The following LRMDA variants were observed in gnomAD, a reference collection of about 807,000 sequenced individuals.
LRMDA encodes the protein leucine rich melanocyte differentiation associated.
In LRMDA, 18 loss-of-function variants were observed where a neutral mutation model predicts 29.8. The ratio of observed to expected loss-of-function variants is 0.60; its 90% CI spans 0.42 to 0.90. The LOEUF is 0.90. Ranked by LOEUF, LRMDA falls within the 40% of genes least tolerant of loss-of-function variation. LRMDA has a pLI of 0.00. For synonymous variants in LRMDA, 125 were observed against 109.4 expected, an observed-to-expected ratio of 1.14 and a Z score of -0.89; for missense variants, 273 against 273.9, an observed-to-expected ratio of 1.00 and a Z score of 0.02.
chr10:76,174,884 C>A (rs150568012), intron 5 of LRMDA, among the ~76,000 whole-genome samples: 3,126 of 126,274 alleles, frequency 0.025, 113 homozygotes, highest in African/African-American at 0.11. Context: ...CTTTGCTAGG[C>A]CGAGGCAGGG....
chr10:75,893,946 C>CA (rs1359828670), intron 2 of LRMDA, among the ~76,000 whole-genome samples: 35 of 133,684 alleles, frequency 2.6e-4, no homozygotes, highest in Non-Finnish European at 3.2e-4. Flanking sequence ...AAAAAAAAAA[C>CA]AAAAAAAAAA....
intron 5 of LRMDA, among the ~76,000 whole-genome samples, chr10:76,170,588 A>T (rs1034770339): frequency 3.9e-5 from 6 of 152,234 alleles, no homozygotes; most frequent in Non-Finnish European, 7.3e-5. Flanking sequence ...CCAATTTTGG[A>T]GATTTAACTA....
chr10:76,545,003 C>A (rs115431219), intron 6 of LRMDA, among the ~76,000 whole-genome samples: 1,980 of 152,108 alleles, frequency 0.013, 47 homozygotes, highest in African/African-American at 0.045. Context: ...ATGGTGATAT[C>A]AGTACAGGAA....
chr10:75,623,104 T>C (rs1841208248), intron 2 of LRMDA, among the ~76,000 whole-genome samples: 1 of 152,204 alleles, frequency 6.6e-6, no homozygotes, highest in Non-Finnish European at 1.5e-5. Context: ...GCACCTGCAG[T>C]TAATTGTAAA....
At position 75,739,282 on chromosome 10, in the gene LRMDA, A is replaced by G. The variant is rs1386044876; in HGVS notation, c.132-296726A>G. On this transcript the variant is annotated intron_variant, in intron 2 of 6. Coordinates refer to ENST00000611255, the MANE Select transcript of LRMDA (RefSeq NM_001305581.2). ...TAGCGAATGCTATTGTTGCCTTAGC[A>G]CAAACCCAGGCCCAGAGATTGGCCT... 4.6e-5 allele frequency among the ~76,000 whole-genome samples: 7 copies of G among 152,356 alleles called. No homozygotes were observed. In the East Asian group the frequency reaches 9.6e-4, roughly 21 times the overall value.
intron 5 of LRMDA, among the ~76,000 whole-genome samples, chr10:76,160,028 A>C (rs1850614952): frequency 6.6e-6 from 1 of 152,098 alleles, no homozygotes; most frequent in Admixed American, 6.6e-5. Flanking sequence ...ATGAGCTTTG[A>C]GTAATAACGA....
intron 2 of LRMDA, among the ~76,000 whole-genome samples, chr10:75,809,171 C>T (rs569462490): frequency 8.5e-5 from 13 of 152,324 alleles, no homozygotes; most frequent in African/African-American, 2.4e-4. Context: ...GTCAGTAGCA[C>T]TCGGGGAGGA....
At chr10:75,993,148 T>A (rs561067162) in intron 2 of LRMDA, among the ~76,000 whole-genome samples, 15 of 152,192 alleles carry the variant, frequency 9.9e-5, no homozygotes, top group Middle Eastern at 3.4e-3. Context: ...CCTCCTGGGC[T>A]GGGTGTGGGT....
chr10:75,746,629 C>T (rs1460509270), intron 2 of LRMDA, among the ~76,000 whole-genome samples: 1 of 152,110 alleles, frequency 6.6e-6, no homozygotes, highest in African/African-American at 2.4e-5. Flanking sequence ...CAAAGAATTA[C>T]CACTGTGAAT....
chr10:76,071,225 G>A (rs1395490003), intron 5 of LRMDA, among the ~76,000 whole-genome samples: 1 of 152,102 alleles, frequency 6.6e-6, no homozygotes. Context: ...ATGAAATTTG[G>A]GAGCTTGTTA....
intron 1 of LRMDA, among the ~76,000 whole-genome samples, chr10:75,434,369 A>G (rs1478694242): frequency 6.6e-6 from 1 of 152,196 alleles, no homozygotes; most frequent in Non-Finnish European, 1.5e-5. Flanking sequence ...TGAGGATTGA[A>G]TAGATAACAA....
At chr10:76,143,621 A>T (rs1181321642) in intron 5 of LRMDA, among the ~76,000 whole-genome samples, 7 of 151,598 alleles carry the variant, frequency 4.6e-5, no homozygotes, top group Admixed American at 1.3e-4. Flanking sequence ...GGTTGCAAAA[A>T]TTTTCTCCCA....
At chr10:76,059,266 C>T (rs2132055386) in intron 5 of LRMDA, among the ~76,000 whole-genome samples, 1 of 152,346 alleles carries the variant, frequency 6.6e-6, no homozygotes, top group Non-Finnish European at 1.5e-5. Flanking sequence ...GTGATGTTTT[C>T]TGACAGTGTG....
intron 2 of LRMDA, among the ~76,000 whole-genome samples, chr10:75,873,531 A>T (rs1379724888): frequency 6.6e-6 from 1 of 152,184 alleles, no homozygotes; most frequent in African/African-American, 2.4e-5. Flanking sequence ...TGGGGTTTCA[A>T]TTCATGGCAA....
intron 2 of LRMDA, among the ~76,000 whole-genome samples, chr10:75,513,820 C>G (rs923107944): frequency 6.6e-6 from 1 of 152,180 alleles, no homozygotes; most frequent in Non-Finnish European, 1.5e-5. Flanking sequence ...GACACTCTCC[C>G]TATCTCAAAA....
At chr10:76,278,233 C>T (rs1449359783) in intron 5 of LRMDA, among the ~76,000 whole-genome samples, 1 of 152,138 alleles carries the variant, frequency 6.6e-6, no homozygotes, top group East Asian at 1.9e-4. Context: ...TAAATCTGTG[C>T]TCATGTGTTT....
intron 2 of LRMDA, among the ~76,000 whole-genome samples, chr10:75,513,510 A>C (rs1845252053): frequency 6.6e-6 from 1 of 152,212 alleles, no homozygotes; most frequent in African/African-American, 2.4e-5. Context: ...AAAGTACCAC[A>C]AACTCAGTGG....
intron 5 of LRMDA, among the ~76,000 whole-genome samples, chr10:76,285,288 A>G (rs190370923): frequency 6.6e-6 from 1 of 152,214 alleles, no homozygotes; most frequent in African/African-American, 2.4e-5. Context: ...TGAAGTCACA[A>G]AGGGAGTAGT....
intron 5 of LRMDA, among the ~76,000 whole-genome samples, chr10:76,113,722 CGCGTTTCTCTCCCA>C (rs1849618571): frequency 6.6e-6 from 1 of 152,082 alleles, no homozygotes; most frequent in Admixed American, 6.5e-5. Context: ...CATTTGATGC[CGCGTTTCTCTCCCA>C]GCCACAAGTT....
Sources: allele counts gnomAD v4.1 joint callset (sites outside exome capture counted in the v4.1 genomes callset), GRCh38; gene constraint gnomAD v4.1.1; transcripts MANE v1.5; gene names NCBI Gene and HGNC (gene_info 2026-07-23, HGNC 2026-07-21).